The following RPS6KC1 variants were observed in gnomAD, a reference collection of about 807,000 sequenced individuals.
The protein encoded by RPS6KC1 is ribosomal protein S6 kinase C1.
RPS6KC1 carries 54 observed loss-of-function variants against 103.8 expected under a neutral mutation model. The observed-to-expected ratio is 0.52, with a 90% confidence interval of 0.42 to 0.65. RPS6KC1 has a LOEUF of 0.65. Among genes scored for constraint, RPS6KC1 ranks in the 30% least tolerant of loss-of-function variants. RPS6KC1 has a pLI of 0.00. For missense variants in RPS6KC1, 1,151 were observed against 1,253.8 expected, an observed-to-expected ratio of 0.92 and a Z score of 1.24; for synonymous variants, 439 against 438.7, an observed-to-expected ratio of 1.00 and a Z score of -0.01.
the RPS6KC1 span, among the ~76,000 whole-genome samples, chr1:213,296,921 G>C: frequency 7.9e-5 from 12 of 152,180 alleles, no homozygotes; most frequent in South Asian, 2.1e-4. Context: ...GATGAGTAAG[G>C]AGTAAGGTGG....
chr1:213,152,185 AC>A (rs1292375803), intron 6 of RPS6KC1, among the ~76,000 whole-genome samples: 4 of 97,386 alleles, frequency 4.1e-5, no homozygotes, highest in Admixed American at 1.2e-4. Context: ...CGGGGGGCTG[AC>A]CCCCCACCTC....
chr1:213,754,520 A>G, the RPS6KC1 span, among the ~76,000 whole-genome samples: 2 of 152,164 alleles, frequency 1.3e-5, no homozygotes, highest in African/African-American at 4.8e-5. Flanking sequence ...ATAGTGAGTG[A>G]GTTCTCAAGA....
At chr1:213,449,327 C>G in the RPS6KC1 span, among the ~76,000 whole-genome samples, 354 of 152,334 alleles carry the variant, frequency 2.3e-3, 8 homozygotes, top group East Asian at 0.04. Context: ...AGACCACAGA[C>G]TGGGTGGCTT....
Position 213,241,385 on chromosome 1 carries a change from G to C in RPS6KC1, c.1909G>C (p.Asp637His). Residue 637 changes from aspartate (D) to histidine (H), a missense_variant, in exon 11 of 15, where the codon GAT becomes CAT. This residue lies in a region of RPS6KC1 where 959 missense variants were observed against 1,006.3 expected (regional missense o/e 0.95). Transcript: ENST00000366960. ...TTTGAAACCATTCTTTACTCTTCCA[G>C]ATGGAGACAGTGCTTCTAGGAGTTT... ...EPLKPFFTLP[D>H]GDSASRSFNT... 2.5e-6 allele frequency: 4 copies of C among 1,613,916 alleles called. No homozygotes were observed. Among genetic ancestry groups the C allele is most frequent in the Non-Finnish European group, 3.4e-6 (4 of 1,179,938 alleles).
chr1:213,548,368 A>G, the RPS6KC1 span, among the ~76,000 whole-genome samples: 2 of 152,370 alleles, frequency 1.3e-5, no homozygotes, highest in East Asian at 1.9e-4. Context: ...TGGTAAAACT[A>G]TAAAGAAAAG....
chr1:213,832,956 G>A, the RPS6KC1 span, among the ~76,000 whole-genome samples: 3 of 152,208 alleles, frequency 2.0e-5, no homozygotes, highest in Admixed American at 1.3e-4. Context: ...GAATAGTAAT[G>A]AGAAGTATGA....
At chr1:213,068,226 C>G (rs1236214416) in intron 1 of RPS6KC1, among the ~76,000 whole-genome samples, 7 of 152,020 alleles carry the variant, frequency 4.6e-5, no homozygotes. Flanking sequence ...TGGCTCACGC[C>G]TGTAATCCCA....
the RPS6KC1 span, among the ~76,000 whole-genome samples, chr1:213,376,884 C>T: frequency 6.6e-6 from 1 of 152,152 alleles, no homozygotes; most frequent in East Asian, 1.9e-4. Flanking sequence ...CGAGATAATA[C>T]AGGACTGGAG....
chr1:213,271,211 T>C (rs184865238), intron 14 of RPS6KC1, among the ~76,000 whole-genome samples: 4 of 152,292 alleles, frequency 2.6e-5, no homozygotes, highest in African/African-American at 7.2e-5. Context: ...ATTAATGAAA[T>C]GTGGACATCC....
the RPS6KC1 span, among the ~76,000 whole-genome samples, chr1:213,627,397 A>C: frequency 3.3e-5 from 5 of 152,006 alleles, no homozygotes; most frequent in Admixed American, 6.6e-5. Flanking sequence ...CTCTTTTCCT[A>C]ATTGAATACC....
intron 3 of RPS6KC1, among the ~76,000 whole-genome samples, chr1:213,100,756 G>T (rs554518488): frequency 6.6e-6 from 1 of 151,376 alleles, no homozygotes; most frequent in African/African-American, 2.4e-5. Flanking sequence ...TGCTGCAAAG[G>T]ACATTATTTC....
At chr1:213,725,484 C>T in the RPS6KC1 span, among the ~76,000 whole-genome samples, 10 of 152,222 alleles carry the variant, frequency 6.6e-5, no homozygotes, top group Admixed American at 2.6e-4. Flanking sequence ...AAAGGCATTC[C>T]GGGCTCTCTT....
chr1:213,320,952 C>T, the RPS6KC1 span, among the ~76,000 whole-genome samples: 3 of 152,180 alleles, frequency 2.0e-5, no homozygotes, highest in African/African-American at 2.4e-5. Context: ...CCAGTCTGTG[C>T]CATTCAGGCC....
At chr1:213,744,238 T>C in the RPS6KC1 span, among the ~76,000 whole-genome samples, 1 of 152,126 alleles carries the variant, frequency 6.6e-6, no homozygotes, top group African/African-American at 2.4e-5. Context: ...GAATTACCAC[T>C]AAAGAATTTG....
At chr1:213,402,398 C>T in the RPS6KC1 span, among the ~76,000 whole-genome samples, 2 of 152,180 alleles carry the variant, frequency 1.3e-5, no homozygotes, top group Admixed American at 6.5e-5. Context: ...CCCTCCTCAA[C>T]CTCTTCAGAT....
the RPS6KC1 span, among the ~76,000 whole-genome samples, chr1:213,718,110 C>A: frequency 6.6e-6 from 1 of 152,230 alleles, no homozygotes; most frequent in African/African-American, 2.4e-5. Context: ...GAGCCACTGA[C>A]CTTCAACAAG....
At chr1:213,401,157 G>T in the RPS6KC1 span, among the ~76,000 whole-genome samples, 4 of 151,968 alleles carry the variant, frequency 2.6e-5, no homozygotes, top group Non-Finnish European at 5.9e-5. Context: ...ATCTTTTTTG[G>T]TTTTCCTCTG....
intron 8 of RPS6KC1, among the ~76,000 whole-genome samples, chr1:213,212,278 T>C (rs567947328): frequency 1.8e-4 from 28 of 152,290 alleles, no homozygotes; most frequent in Non-Finnish European, 3.8e-4. Context: ...TTTTTTTTTC[T>C]ATCTCCACAG....
chr1:213,513,953 T>C, the RPS6KC1 span, among the ~76,000 whole-genome samples: 17 of 152,318 alleles, frequency 1.1e-4, no homozygotes, highest in Non-Finnish European at 2.2e-4. Context: ...TGTCTCCATG[T>C]TGCTTGTGGT....
Sources: allele counts gnomAD v4.1 joint callset (sites outside exome capture counted in the v4.1 genomes callset), GRCh38; gene constraint gnomAD v4.1.1; regional missense constraint gnomAD v4.1.1; transcripts MANE v1.5; gene names NCBI Gene and HGNC (gene_info 2026-07-23, HGNC 2026-07-21).